ROBO2: variants seen among roughly 807,000 people sequenced by gnomAD.
ROBO2 encodes the protein roundabout guidance receptor 2, also known as roundabout homolog 2.
ROBO2 carries 53 observed loss-of-function variants against 160.8 expected under a neutral mutation model. The observed-to-expected ratio is 0.33, with a 90% CI of 0.26 to 0.41. The LOEUF (loss-of-function observed/expected upper bound fraction) is 0.41, where lower values mean the gene tolerates loss of function less well. Among genes scored for constraint, ROBO2 ranks in the 10% least tolerant of loss-of-function variants. The probability of loss-of-function intolerance (pLI) is 1.00; values close to 1 mark genes in which losing one functional copy is unlikely to be tolerated. For synonymous variants in ROBO2, 664 were observed against 611.7 expected (o/e 1.09, Z -1.26); for missense variants, 1,577 against 1,722.4 (o/e 0.92, Z 1.49).
intron 2 of ROBO2, among the ~76,000 whole-genome samples, chr3:76,304,738 T>TTTCCTTCCTTCCTTCCTTCTTTC (rs749689673): frequency 8.9e-4 from 26 of 29,086 alleles, no homozygotes; most frequent in Middle Eastern, 0.02. Flanking sequence ...CTTTCTTTTC[T>TTTCCTTCCTTCCTTCCTTCTTTC]TTTCTTTCCT....
intron 2 of ROBO2, among the ~76,000 whole-genome samples, chr3:76,492,201 T>TA (rs1343766916): frequency 6.6e-6 from 1 of 152,192 alleles, no homozygotes; most frequent in Non-Finnish European, 1.5e-5. Flanking sequence ...GGCTCAGTGA[T>TA]AAAAGCAGTT....
intron 2 of ROBO2, among the ~76,000 whole-genome samples, chr3:76,887,000 G>A (rs932142402): frequency 1.2e-4 from 19 of 152,198 alleles, no homozygotes; most frequent in African/African-American, 4.6e-4. Flanking sequence ...GGCACAACTT[G>A]GATAGTTTTC....
intron 2 of ROBO2, among the ~76,000 whole-genome samples, chr3:77,238,008 A>G (rs2088347551): frequency 6.6e-6 from 1 of 152,114 alleles, no homozygotes; most frequent in South Asian, 2.1e-4. Flanking sequence ...GCATCTTTTC[A>G]TATGCTTATT....
chr3:77,019,672 A>C (rs558714269), intron 2 of ROBO2, among the ~76,000 whole-genome samples: 12 of 152,336 alleles, frequency 7.9e-5, no homozygotes, highest in Admixed American at 7.2e-4. Flanking sequence ...TCAAACTACC[A>C]GATCTTGATT....
intron 2 of ROBO2, among the ~76,000 whole-genome samples, chr3:76,922,386 C>A (rs1449360963): frequency 6.6e-6 from 1 of 152,188 alleles, no homozygotes; most frequent in Non-Finnish European, 1.5e-5. Context: ...AATTCAAAAT[C>A]TACCCTTCAG....
chr3:76,175,907 C>T (rs2073212793), intron 2 of ROBO2, among the ~76,000 whole-genome samples: 1 of 152,114 alleles, frequency 6.6e-6, no homozygotes, highest in Admixed American at 6.6e-5. Flanking sequence ...TTTCTTTCCA[C>T]CTTTTAGCAG....
At chr3:76,999,512 T>C (rs1401935338) in intron 2 of ROBO2, among the ~76,000 whole-genome samples, 1 of 152,154 alleles carries the variant, frequency 6.6e-6, no homozygotes, top group Non-Finnish European at 1.5e-5. Flanking sequence ...GTAGGACTCC[T>C]TGTTAAAATA....
At chr3:76,497,674 C>A (rs2080228285) in intron 2 of ROBO2, among the ~76,000 whole-genome samples, 1 of 152,192 alleles carries the variant, frequency 6.6e-6, no homozygotes, top group Non-Finnish European at 1.5e-5. Context: ...ACGTTGAAAT[C>A]AGTAGATTTT....
intron 2 of ROBO2, among the ~76,000 whole-genome samples, chr3:76,609,096 G>A (rs761528199): frequency 6.6e-6 from 1 of 152,262 alleles, no homozygotes; most frequent in Non-Finnish European, 1.5e-5. Flanking sequence ...CAAGTTTACA[G>A]CACCATTTAC....
chr3:76,888,008 G>A (rs190487349), intron 2 of ROBO2, among the ~76,000 whole-genome samples: 10 of 152,090 alleles, frequency 6.6e-5, no homozygotes, highest in East Asian at 1.9e-4. Context: ...ACCTACATTC[G>A]AATTAAGTTA....
chr3:77,496,819 T>C (rs2153603392), intron 5 of ROBO2, among the ~76,000 whole-genome samples: 1 of 152,228 alleles, frequency 6.6e-6, no homozygotes, highest in South Asian at 2.1e-4. Flanking sequence ...TGTGCCAACC[T>C]TTCAGTAACC....
At chr3:76,129,608 C>T (rs2071144403) in intron 2 of ROBO2, among the ~76,000 whole-genome samples, 1 of 152,038 alleles carries the variant, frequency 6.6e-6, no homozygotes, top group Admixed American at 6.6e-5. Context: ...GATTCAACAT[C>T]CCCACTAAGG....
chr3:76,160,409 A>G (rs186704555), intron 2 of ROBO2, among the ~76,000 whole-genome samples: 49 of 152,000 alleles, frequency 3.2e-4, no homozygotes, highest in Admixed American at 1.4e-3. Context: ...TGTAAGCTGA[A>G]GTAATTGAGA....
At chr3:76,827,742 A>G (rs150312614) in intron 2 of ROBO2, among the ~76,000 whole-genome samples, 4 of 152,186 alleles carry the variant, frequency 2.6e-5, no homozygotes, top group African/African-American at 9.6e-5. Context: ...AATATTTCAG[A>G]TTATTTTCCT....
At chr3:77,573,139 T>A (rs1183868610) in intron 13 of ROBO2, among the ~76,000 whole-genome samples, 1 of 152,036 alleles carries the variant, frequency 6.6e-6, no homozygotes, top group Non-Finnish European at 1.5e-5. Context: ...GCTATTAAAC[T>A]ATGATAAGGG....
chr3:77,532,251 A>G (rs564174259), intron 6 of ROBO2, among the ~76,000 whole-genome samples: 2 of 150,160 alleles, frequency 1.3e-5, no homozygotes, highest in South Asian at 2.1e-4. Context: ...AAAATGTCCT[A>G]TTGTCTTGGT....
At chr3:75,996,040 C>T (rs1167534946) in intron 2 of ROBO2, among the ~76,000 whole-genome samples, 1 of 152,088 alleles carries the variant, frequency 6.6e-6, no homozygotes, top group Admixed American at 6.6e-5. Context: ...AAGGGAACTG[C>T]CTTGTCTCAG....
intron 2 of ROBO2, among the ~76,000 whole-genome samples, chr3:76,456,248 C>T (rs1003993581): frequency 1.1e-4 from 16 of 152,028 alleles, no homozygotes; most frequent in African/African-American, 3.9e-4. Flanking sequence ...GATAAAACTC[C>T]CATTAAACCA....
intron 2 of ROBO2, among the ~76,000 whole-genome samples, chr3:77,257,943 A>G (rs1353981379): frequency 6.6e-6 from 1 of 152,260 alleles, no homozygotes; most frequent in African/African-American, 2.4e-5. Flanking sequence ...GTGCTTTGTT[A>G]TAATGCCATT....
Sources: allele counts gnomAD v4.1 joint callset (sites outside exome capture counted in the v4.1 genomes callset), GRCh38; gene constraint gnomAD v4.1.1; transcripts MANE v1.5; gene names NCBI Gene and HGNC (gene_info 2026-07-23, HGNC 2026-07-21).